SLC35F3: variants seen among roughly 807,000 people sequenced by gnomAD.
SLC35F3 encodes the protein putative thiamine transporter SLC35F3.
A neutral mutation model predicts 49.9 loss-of-function variants in SLC35F3; 25 were observed. The ratio of observed to expected loss-of-function variants is 0.50; its 90% CI spans 0.37 to 0.70. The LOEUF is 0.70. SLC35F3 is among the 30% of genes least tolerant of loss of function. The probability of loss-of-function intolerance (pLI) is 0.00; values close to 1 mark genes in which losing one functional copy is unlikely to be tolerated. For missense variants in SLC35F3, 525 were observed against 639.8 expected, an observed-to-expected ratio of 0.82 and a Z score of 1.94; for synonymous variants, 275 against 265.4, an observed-to-expected ratio of 1.04 and a Z score of -0.35.
chr1:234,009,597 A>G (rs1391305338), intron 2 of SLC35F3, among the ~76,000 whole-genome samples: 1 of 152,258 alleles, frequency 6.6e-6, no homozygotes, highest in Non-Finnish European at 1.5e-5. Flanking sequence ...GCTTTGCTGC[A>G]TAATAACATT....
chr1:234,322,375 A>AT (rs1657641883), intron 7 of SLC35F3, among the ~76,000 whole-genome samples: 1 of 152,158 alleles, frequency 6.6e-6, no homozygotes, highest in East Asian at 1.9e-4. Flanking sequence ...TGTATGTGTT[A>AT]TTTGTGTTAT....
intron 2 of SLC35F3, among the ~76,000 whole-genome samples, chr1:234,173,448 G>T (rs1666430447): frequency 6.6e-6 from 1 of 152,192 alleles, no homozygotes; most frequent in Non-Finnish European, 1.5e-5. Context: ...TTCGAGCTAG[G>T]CAGCCTGGCT....
intron 2 of SLC35F3, among the ~76,000 whole-genome samples, chr1:234,124,331 G>C (rs1016396523): frequency 2.0e-5 from 3 of 152,194 alleles, no homozygotes; most frequent in South Asian, 4.2e-4. Flanking sequence ...CCTTCTAATC[G>C]GTATTCCCAC....
At chr1:234,099,611 AAAAAAAAAAAAAAAAAC>A (rs1423829404) in intron 2 of SLC35F3, among the ~76,000 whole-genome samples, 3 of 150,442 alleles carry the variant, frequency 2.0e-5, no homozygotes, top group Admixed American at 2.0e-4. Flanking sequence ...TCTGTCTAAA[AAAAAAAAAAAAAAAAAC>A]AAAAAAAAGA....
chr1:233,939,842 G>A (rs1662393200), intron 2 of SLC35F3, among the ~76,000 whole-genome samples: 1 of 152,316 alleles, frequency 6.6e-6, no homozygotes, highest in South Asian at 2.1e-4. Context: ...CAACTTCAAA[G>A]AGGATGGAGC....
intron 2 of SLC35F3, among the ~76,000 whole-genome samples, chr1:233,959,967 G>C (rs1469993050): frequency 6.6e-6 from 1 of 152,186 alleles, no homozygotes; most frequent in African/African-American, 2.4e-5. Flanking sequence ...GCAGTGTTTT[G>C]TTGGGGACAG....
chr1:234,124,669 T>G (rs1665621807), intron 2 of SLC35F3, among the ~76,000 whole-genome samples: 1 of 152,030 alleles, frequency 6.6e-6, no homozygotes, highest in Admixed American at 6.5e-5. Flanking sequence ...GAGTTCAGGA[T>G]CAGCCTGAGC....
chr1:233,972,904 C>T (rs982683567), intron 2 of SLC35F3, among the ~76,000 whole-genome samples: 10 of 152,212 alleles, frequency 6.6e-5, no homozygotes, highest in Non-Finnish European at 1.2e-4. Flanking sequence ...TGGAAATCAA[C>T]GGCAGACAGC....
rs1326676215 is a variant in SLC35F3 at position 233,957,888 on chromosome 1, C to T, written c.283+52130C>T. Among the ~76,000 whole-genome samples, 1 of 152,132 alleles carries T rather than the reference C, an allele frequency of 6.6e-6. No homozygotes were observed. Among genetic ancestry groups the T allele is most frequent in the Non-Finnish European group, 1.5e-5 (1 of 68,022 alleles). On this transcript the variant is annotated intron_variant, in intron 2 of 7. Coordinates refer to ENST00000366618, the MANE Select transcript of SLC35F3 (RefSeq NM_173508.4). This position sits in a 1 kb window ranked among gnomAD's most constrained non-coding sequence, Gnocchi z 4.0. ...GATGGCTGGGCTCAGCTGGGCAGCT[C>T]TTCTGCTGGTAGTTCTTGAGGCCTT... is the stretch of plus-strand genomic sequence containing the variant.
rs906852314 is a variant in SLC35F3 at position 234,060,028 on chromosome 1, A to G, written c.283+154270A>G. On this transcript the variant is annotated intron_variant, in intron 2 of 7. Transcript: ENST00000366618. ...CCCAAGATCAATATTGCATCCTTCAATCTAATCAAGTTGACAGTATTAACC... is the reference window on the plus strand; with the variant it reads ...CCCAAGATCAATATTGCATCCTTCAGTCTAATCAAGTTGACAGTATTAACC... 5.9e-5 allele frequency among the ~76,000 whole-genome samples: 9 copies of G among 152,242 alleles called. No individual in the cohort carries two copies. The East Asian group carries it at 1.5e-3, about 26-fold the overall frequency.
chr1:234,040,323 G>A (rs556555532), intron 2 of SLC35F3, among the ~76,000 whole-genome samples: 4 of 152,294 alleles, frequency 2.6e-5, no homozygotes, highest in African/African-American at 9.6e-5. Flanking sequence ...ACAGAATGGG[G>A]GAGCAGGATG....
chr1:234,269,813 T>C (rs7552944), intron 3 of SLC35F3, among the ~76,000 whole-genome samples: 38,221 of 151,862 alleles, frequency 0.25, 5,044 homozygotes, highest in African/African-American at 0.31. Context: ...TTTTAAAAAA[T>C]GGCTGGCACC....
At chr1:234,270,884 C>G (rs575157108) in intron 3 of SLC35F3, among the ~76,000 whole-genome samples, 1 of 152,168 alleles carries the variant, frequency 6.6e-6, no homozygotes, top group African/African-American at 2.4e-5. Context: ...TGATGCTGCT[C>G]AGAAGTTGTC....
intron 2 of SLC35F3, among the ~76,000 whole-genome samples, chr1:234,183,428 TG>T (rs1558252954): frequency 7.0e-6 from 1 of 143,124 alleles, no homozygotes; most frequent in Non-Finnish European, 1.5e-5. Context: ...TGCATATGGT[TG>T]TTTTTTACGT....
chr1:234,157,379 G>T (rs1342395082), intron 2 of SLC35F3, among the ~76,000 whole-genome samples: 1 of 152,048 alleles, frequency 6.6e-6, no homozygotes, highest in Non-Finnish European at 1.5e-5. Context: ...GCTCAGAACC[G>T]TCCGTGGACT....
At chr1:234,241,984 T>C (rs1667561235) in intron 3 of SLC35F3, among the ~76,000 whole-genome samples, 1 of 152,212 alleles carries the variant, frequency 6.6e-6, no homozygotes, top group African/African-American at 2.4e-5. Context: ...CCATTTCTAA[T>C]TGAGCCACAG....
At chr1:234,247,904 T>TC (rs1157630207) in intron 3 of SLC35F3, among the ~76,000 whole-genome samples, 6 of 151,914 alleles carry the variant, frequency 3.9e-5, no homozygotes, top group South Asian at 2.1e-4. Flanking sequence ...GTTTGGTGGG[T>TC]AGGTTGGTTG....
At chr1:234,044,846 T>C (rs1448826938) in intron 2 of SLC35F3, among the ~76,000 whole-genome samples, 2 of 152,162 alleles carry the variant, frequency 1.3e-5, no homozygotes, top group African/African-American at 4.8e-5. Context: ...GTAGTTATCA[T>C]ATGTTTTTCT....
At chr1:234,191,710 T>C (rs143585922) in intron 2 of SLC35F3, among the ~76,000 whole-genome samples, 183 of 151,942 alleles carry the variant, frequency 1.2e-3, no homozygotes, top group Non-Finnish European at 2.2e-3. Flanking sequence ...ATTAGAAAGA[T>C]TAACCAAGAA....
Sources: allele counts gnomAD v4.1 joint callset (sites outside exome capture counted in the v4.1 genomes callset), GRCh38; gene constraint gnomAD v4.1.1; non-coding constraint Gnocchi (gnomAD v3.1); transcripts MANE v1.5; gene names NCBI Gene and HGNC (gene_info 2026-07-23, HGNC 2026-07-21).